ADGRL1: variants seen among roughly 807,000 people sequenced by gnomAD.
ADGRL1 encodes the protein adhesion G protein-coupled receptor L1.
A neutral mutation model predicts 148.9 loss-of-function variants in ADGRL1; 31 were observed. That is an observed-to-expected ratio of 0.21 (90% CI 0.16 to 0.28). The LOEUF is 0.28. Ranked by LOEUF, ADGRL1 falls within the 10% of genes least tolerant of loss-of-function variation. The pLI, the probability that ADGRL1 is intolerant of heterozygous loss-of-function variation, is 1.00. For missense variants in ADGRL1, 1,521 were observed against 2,058.8 expected (o/e 0.74, Z 5.05); for synonymous variants, 937 against 900.3 (o/e 1.04, Z -0.73).
chr19:14,204,315 C>T (rs1306814174), intron 1 of ADGRL1, among the ~76,000 whole-genome samples: 1 of 152,040 alleles, frequency 6.6e-6, no homozygotes, highest in African/African-American at 2.4e-5. Context: ...AAAGCTGGGG[C>T]CTGACAGGGA....
intron 1 of ADGRL1, among the ~76,000 whole-genome samples, chr19:14,202,445 G>C (rs1239523988): frequency 6.6e-6 from 1 of 151,904 alleles, no homozygotes; most frequent in Non-Finnish European, 1.5e-5. Flanking sequence ...TAGAGATGGG[G>C]TTTCACCATG....
At chr19:14,173,523 G>T (rs964691282) in intron 3 of ADGRL1, among the ~76,000 whole-genome samples, 8 of 152,132 alleles carry the variant, frequency 5.3e-5, no homozygotes, top group African/African-American at 1.7e-4. Context: ...TTCCCCAGTG[G>T]GTAAGTGGGG....
chr19:14,194,020 T>C (rs960154702), intron 1 of ADGRL1, among the ~76,000 whole-genome samples: 17 of 152,238 alleles, frequency 1.1e-4, no homozygotes, highest in East Asian at 9.7e-4. Context: ...GGCGGGAGAA[T>C]TGCTTGAGCC....
At chr19:14,177,363 T>G (rs538497199) in intron 3 of ADGRL1, among the ~76,000 whole-genome samples, 168 bp downstream of exon 3, 15 of 152,180 alleles carry the variant, frequency 9.9e-5, no homozygotes, top group Admixed American at 2.6e-4. Flanking sequence ...TGTGGGGAGA[T>G]GTACTGGGTC....
At chr19:14,175,602 A>C (rs533282976) in intron 3 of ADGRL1, among the ~76,000 whole-genome samples, 1 of 151,984 alleles carries the variant, frequency 6.6e-6, no homozygotes, top group Non-Finnish European at 1.5e-5. Flanking sequence ...ATACACACTC[A>C]TACAGACACA....
At chr19:14,175,394 C>A (rs2144932971) in intron 3 of ADGRL1, among the ~76,000 whole-genome samples, 2 of 151,462 alleles carry the variant, frequency 1.3e-5, no homozygotes, top group African/African-American at 4.8e-5. Context: ...CCCACCCCCA[C>A]ACACGTGCAC....
rs920151544 is a variant in ADGRL1 at position 14,185,144 on chromosome 19, C to G, written c.-95-1447G>C. ...GGCTGCTCCTTCTCACCTCTCTCCC[C>G]GCCTCAGTCTCCCCAAATCCTCTCA... On this transcript the variant is annotated intron_variant, in intron 1 of 22. Coordinates refer to ENST00000361434, the MANE Select transcript of ADGRL1 (RefSeq NM_014921.5). Among the ~76,000 whole-genome samples, 2 of 152,214 alleles carry G rather than the reference C, an allele frequency of 1.3e-5. 1 individual carries two copies. The highest frequency in any genetic ancestry group is 1.3e-4 in the Admixed American group (2 of 15,286).
At position 14,160,703 on chromosome 19, in the gene ADGRL1, GGACA is replaced by G. The variant is rs757718003; in HGVS notation, c.1511-11_1511-8del. 14 of 1,561,922 alleles carry G rather than the reference GGACA, an allele frequency of 9.0e-6. No homozygotes were observed. The highest frequency in any genetic ancestry group is 1.7e-4 in the Middle Eastern group (1 of 5,986). Reference sequence around the variant, plus strand: ...CACTGGAAGGAGGCAATTCCTGCAGGGACAGACAGACAGGAACAGACAAGGGAGC... The same window carrying G: ...CACTGGAAGGAGGCAATTCCTGCAGGGACAGACAGGAACAGACAAGGGAGC... On this transcript the variant is annotated splice_region_variant and splice_polypyrimidine_tract_variant and intron_variant, in intron 6 of 22. Coordinates refer to ENST00000361434, the MANE Select transcript of ADGRL1 (RefSeq NM_014921.5). The surrounding 1 kb of genome is among the most constrained non-coding windows in gnomAD (Gnocchi z 5.9).
chr19:14,153,024 C>T (rs1172818938), intron 18 of ADGRL1, 112 bp from the exon 19 acceptor site: 5 of 1,287,840 alleles, frequency 3.9e-6, no homozygotes, highest in Non-Finnish European at 5.4e-6. Flanking sequence ...GACCGAGCTT[C>T]CAATGACTGT....
Position 14,155,937 on chromosome 19 carries a change from C to A in ADGRL1, c.3125+173G>T. The stretch of plus-strand genomic sequence containing the variant: ...CGTGCTAATGATACGCTATCTAAGA[C>A]CCATTAAGTAGGTACATAGTGAACA... On this transcript the variant is annotated intron_variant, in intron 17 of 22. Coordinates refer to ENST00000361434, the MANE Select transcript of ADGRL1 (RefSeq NM_014921.5). The surrounding 1 kb of genome is among the most constrained non-coding windows in gnomAD (Gnocchi z 5.0). 1.6e-6 allele frequency: 1 copy of A among 620,198 alleles called. No individual in the cohort carries two copies. The highest frequency in any genetic ancestry group is 2.9e-6 in the Non-Finnish European group (1 of 342,696). 38.4% of individuals were successfully genotyped at this position (620,198 alleles called of 1,614,324 possible). A position where few individuals can be genotyped will look rare whatever the true frequency, so the allele number is the denominator to read the frequency against.
chr19:14,167,059 AAAC>A, intron 4 of ADGRL1: 3 of 1,583,968 alleles, frequency 1.9e-6, no homozygotes, highest in Non-Finnish European at 2.6e-6. Flanking sequence ...GAGAGAGAGA[AAAC>A]AAATTGAAAA....
At chr19:14,172,889 T>C (rs548074707) in intron 3 of ADGRL1, among the ~76,000 whole-genome samples, 1 of 152,264 alleles carries the variant, frequency 6.6e-6, no homozygotes, top group African/African-American at 2.4e-5. Flanking sequence ...TAGCCCTTAG[T>C]TTATGTAACA....
chr19:14,182,608 A>G (rs1054640584), intron 2 of ADGRL1, among the ~76,000 whole-genome samples: 7 of 152,156 alleles, frequency 4.6e-5, no homozygotes, highest in African/African-American at 7.2e-5. Context: ...TTCCTCCAGC[A>G]CCATCTGCCT....
In ADGRL1 at chr19:14,178,845, G is replaced by A. The variant is rs182236730; in HGVS notation, c.71-1101C>T. Among the ~76,000 whole-genome samples the A allele has an allele frequency of 2.9e-3, 440 of 152,194 alleles. 3 individuals carry two copies. Among genetic ancestry groups the A allele is most frequent in the African/African-American group, 9.5e-3 (396 of 41,522 alleles). ...AAATTTGGGCACAGAAGTGTACAGG[G>A]GGAAGACAATGTGAAGACACAGGAG... is the stretch of plus-strand genomic sequence containing the variant. On this transcript the variant is annotated intron_variant, in intron 2 of 22. Transcript: ENST00000361434.
At chr19:14,184,364 T>C (rs915301880) in intron 1 of ADGRL1, among the ~76,000 whole-genome samples, 7 of 150,790 alleles carry the variant, frequency 4.6e-5, no homozygotes, top group African/African-American at 1.7e-4. Flanking sequence ...AATTGTGTGC[T>C]GTCCCCTGCC....
At position 14,149,033 on chromosome 19, in the gene ADGRL1, G is replaced by A. The variant is rs1176845857; in HGVS notation, c.*1840C>T. Reference sequence around the variant, plus strand: ...GAGAAAAGGAGGGGCAGAGAGATGGGGAGAGGTCAGAGCAGAGGTGGAGGG... The same window carrying A: ...GAGAAAAGGAGGGGCAGAGAGATGGAGAGAGGTCAGAGCAGAGGTGGAGGG... On this transcript the variant is annotated 3_prime_UTR_variant, in exon 23 of 23. Transcript: ENST00000361434. 3 of 152,934 alleles carry A rather than the reference G, an allele frequency of 2.0e-5. No individual in the cohort carries two copies. Among genetic ancestry groups the A allele is most frequent in the Non-Finnish European group, 4.4e-5 (3 of 68,336 alleles). The allele number at this position is 152,934 out of a possible 1,614,324, so 9.5% of individuals were successfully genotyped here. A position where few individuals can be genotyped will look rare whatever the true frequency, so the allele number is the denominator to read the frequency against.
Position 14,158,494 on chromosome 19 carries a change from C to T in ADGRL1, c.2208G>A (p.Glu736=). The change falls in exon 12 of 23, where the codon GAG becomes GAA. Residue 736 remains glutamate (E), a synonymous_variant. Transcript: ENST00000361434. ...CGCCGGCCAGCTTCACTGTGGCATT[C>T]TCCGTGGACAGGAAGAGGCCCAGGT... ...YNNLGLFLST[E]NATVKLAGEA... is the part of the protein sequence containing the mutation. The T allele has an allele frequency of 6.2e-7, 1 of 1,614,096 alleles. No individual in the cohort carries two copies. The highest frequency in any genetic ancestry group is 1.1e-5 in the South Asian group (1 of 91,086).
At chr19:14,181,764 T>C (rs1356600880) in intron 2 of ADGRL1, among the ~76,000 whole-genome samples, 1 of 152,122 alleles carries the variant, frequency 6.6e-6, no homozygotes, top group African/African-American at 2.4e-5. Context: ...CCGTTCTTCT[T>C]TCCCCAAGCC....
chr19:14,175,045 G>A (rs1489644692), intron 3 of ADGRL1, among the ~76,000 whole-genome samples: 1 of 151,572 alleles, frequency 6.6e-6, no homozygotes, highest in Non-Finnish European at 1.5e-5. Flanking sequence ...GTCTTGCTAT[G>A]TTGCCCAGTC....
Sources: gnomAD v4.1 joint callset for allele counts (sites outside exome capture counted in the v4.1 genomes callset) on GRCh38, gnomAD v4.1.1 for gene constraint, Gnocchi (gnomAD v3.1) non-coding constraint, MANE v1.5 for transcripts, NCBI Gene and HGNC (gene_info 2026-07-23, HGNC 2026-07-21) for gene names.